The following SAMD5 variants were observed in gnomAD, a reference collection of about 807,000 sequenced individuals.
SAMD5 encodes sterile alpha motif domain containing 5.
A neutral mutation model predicts 11.3 loss-of-function variants in SAMD5; 13 were observed. The observed-to-expected ratio is 1.15, with a 90% CI of 0.75 to 1.83. The LOEUF is 1.83. SAMD5 is among the 40% of genes most tolerant of loss of function. The pLI, the probability that SAMD5 is intolerant of heterozygous loss-of-function variation, is 0.00. For missense variants in SAMD5, 255 were observed against 239.1 expected, an observed-to-expected ratio of 1.07 and a Z score of -0.44; for synonymous variants, 129 against 111.3, an observed-to-expected ratio of 1.16 and a Z score of -1.00.
chr6:147,775,481 A>G, the SAMD5 span, among the ~76,000 whole-genome samples: 1 of 152,182 alleles, frequency 6.6e-6, no homozygotes, highest in African/African-American at 2.4e-5. Flanking sequence ...ACACATCACT[A>G]TTCTTTTCTC....
the SAMD5 span, among the ~76,000 whole-genome samples, chr6:147,775,676 A>G: frequency 1.3e-5 from 2 of 152,334 alleles, no homozygotes; most frequent in Middle Eastern, 3.4e-3. Flanking sequence ...GAAATGGAAG[A>G]AGAAAGAGAC....
chr6:147,561,285 T>C (rs1788944749), intron 1 of SAMD5, among the ~76,000 whole-genome samples: 2 of 152,164 alleles, frequency 1.3e-5, no homozygotes, highest in Non-Finnish European at 2.9e-5. Flanking sequence ...GCTCCCGGAT[T>C]CAAGCCATTC....
At chr6:147,586,151 C>T (rs1326401264) in intron 1 of SAMD5, among the ~76,000 whole-genome samples, 2 of 152,110 alleles carry the variant, frequency 1.3e-5, no homozygotes, top group African/African-American at 4.8e-5. Flanking sequence ...CAGAAAGCCC[C>T]AATATTTACA....
chr6:147,526,053 A>G (rs2128440613), intron 1 of SAMD5, among the ~76,000 whole-genome samples: 1 of 152,282 alleles, frequency 6.6e-6, no homozygotes, highest in South Asian at 2.1e-4. Context: ...ACACTCTTCA[A>G]ATAGCCTGCT....
chr6:147,941,976 C>T, the SAMD5 span, among the ~76,000 whole-genome samples: 15,374 of 152,128 alleles, frequency 0.1, 1,057 homozygotes, highest in South Asian at 0.29. Context: ...CTGATTCAAG[C>T]GATTCTCCTG....
At chr6:147,789,276 A>AG in the SAMD5 span, among the ~76,000 whole-genome samples, 1 of 102,334 alleles carries the variant, frequency 9.8e-6, no homozygotes, top group Non-Finnish European at 1.9e-5. Flanking sequence ...AGTCTCTAGA[A>AG]AAACACACAC....
the SAMD5 span, among the ~76,000 whole-genome samples, chr6:147,879,487 C>G: frequency 1.3e-5 from 2 of 152,202 alleles, no homozygotes; most frequent in African/African-American, 4.8e-5. Context: ...ACTCTGAAAG[C>G]CTTCCATGGG....
the SAMD5 span, among the ~76,000 whole-genome samples, chr6:147,942,823 C>CTTT: frequency 0.41 from 52,688 of 128,632 alleles, 12,157 homozygotes; most frequent in Middle Eastern, 0.53. Flanking sequence ...CCCAATGCTT[C>CTTT]TTTTTTTTTT....
At chr6:147,661,924 C>T (rs971615220) in intron 1 of SAMD5, among the ~76,000 whole-genome samples, 15 of 152,222 alleles carry the variant, frequency 9.9e-5, no homozygotes, top group African/African-American at 3.1e-4. Context: ...CCACCACGCC[C>T]GGCGCGACTA....
the SAMD5 span, among the ~76,000 whole-genome samples, chr6:147,914,158 C>CT: frequency 0.013 from 1,657 of 132,316 alleles, 25 homozygotes; most frequent in African/African-American, 0.029. Context: ...GTTTTTGCGA[C>CT]TTTTTTTTTT....
At chr6:147,581,219 A>G (rs558645630) in intron 1 of SAMD5, among the ~76,000 whole-genome samples, 10 of 152,194 alleles carry the variant, frequency 6.6e-5, no homozygotes, top group Non-Finnish European at 4.4e-5. Flanking sequence ...GGCACCATTC[A>G]TTCCTAAATC....
chr6:147,697,418 T>G (rs1791191794), intron 1 of SAMD5, among the ~76,000 whole-genome samples: 1 of 152,214 alleles, frequency 6.6e-6, no homozygotes, highest in Non-Finnish European at 1.5e-5. Flanking sequence ...CACATCTGCA[T>G]GATTACAGAA....
At chr6:147,701,041 C>T (rs1344550892) in intron 1 of SAMD5, among the ~76,000 whole-genome samples, 1 of 152,154 alleles carries the variant, frequency 6.6e-6, no homozygotes. Flanking sequence ...AACAAATGAG[C>T]TAGTTCCTTC....
At chr6:147,700,728 C>T (rs569521855) in intron 1 of SAMD5, among the ~76,000 whole-genome samples, 9 of 152,218 alleles carry the variant, frequency 5.9e-5, no homozygotes, top group Middle Eastern at 3.4e-3. Context: ...TGGCTTTAGC[C>T]GTATTATTTT....
chr6:147,631,664 C>T (rs941781305), intron 1 of SAMD5, among the ~76,000 whole-genome samples: 4 of 152,070 alleles, frequency 2.6e-5, no homozygotes, highest in Non-Finnish European at 4.4e-5. Flanking sequence ...CTGTGGGAAA[C>T]GCCTCTACCC....
At chr6:147,664,227 C>A (rs1279782952) in intron 1 of SAMD5, among the ~76,000 whole-genome samples, 4 of 152,114 alleles carry the variant, frequency 2.6e-5, no homozygotes, top group Non-Finnish European at 5.9e-5. Flanking sequence ...TTCTGCCCCT[C>A]CCCCATTTCC....
At chr6:147,527,526 A>G (rs1788361163) in intron 1 of SAMD5, among the ~76,000 whole-genome samples, 1 of 152,152 alleles carries the variant, frequency 6.6e-6, no homozygotes, top group Non-Finnish European at 1.5e-5. Flanking sequence ...GGGGATTACA[A>G]TTCAACATGA....
intron 1 of SAMD5, among the ~76,000 whole-genome samples, chr6:147,530,084 T>A (rs1443182578): frequency 6.6e-6 from 1 of 152,232 alleles, no homozygotes; most frequent in Non-Finnish European, 1.5e-5. Flanking sequence ...TGGGGACGAT[T>A]TTTTCCCCCT....
chr6:147,918,310 A>T, the SAMD5 span, among the ~76,000 whole-genome samples: 2 of 152,106 alleles, frequency 1.3e-5, no homozygotes, highest in Admixed American at 1.3e-4. Flanking sequence ...TAGGTATTTT[A>T]TTCTCTTCGA....
Sources: allele counts gnomAD v4.1 joint callset (sites outside exome capture counted in the v4.1 genomes callset), GRCh38; gene constraint gnomAD v4.1.1; transcripts MANE v1.5; gene names NCBI Gene and HGNC (gene_info 2026-07-23, HGNC 2026-07-21).